The following TEX29 variants were observed in gnomAD, a reference collection of about 807,000 sequenced individuals.
The protein encoded by TEX29 is testis expressed 29.
A neutral mutation model predicts 18.2 loss-of-function variants in TEX29; 26 were observed. The observed-to-expected ratio is 1.43, with a 90% CI of 1.04 to 1.98. The LOEUF is 1.98. Among genes scored for constraint, TEX29 ranks in the 30% most tolerant of loss-of-function variants. TEX29 has a pLI of 0.00. For synonymous variants in TEX29, 83 were observed against 78.5 expected (o/e 1.06, Z -0.31); for missense variants, 177 against 194.2 (o/e 0.91, Z 0.53).
intron 2 of TEX29, among the ~76,000 whole-genome samples, chr13:111,325,993 C>T (rs2093672239): frequency 6.6e-6 from 1 of 152,248 alleles, no homozygotes; most frequent in Non-Finnish European, 1.5e-5. Flanking sequence ...GCTGCTGGGG[C>T]TTCTCCTCCC....
chr13:111,339,260 T>A lies in TEX29; in HGVS notation c.170-603T>A, dbSNP rs887390306. Reference sequence around the variant, plus strand: ...ACAAGGAAGCCCAGTCAAGGATTTGTCTATGATCCAATAAGTGTTTTCCTT... The same window carrying A: ...ACAAGGAAGCCCAGTCAAGGATTTGACTATGATCCAATAAGTGTTTTCCTT... On this transcript the variant is annotated intron_variant, in intron 3 of 5. Coordinates refer to ENST00000283547, the MANE Select transcript of TEX29 (RefSeq NM_152324.3). 17 of 455,120 alleles carry A rather than the reference T, an allele frequency of 3.7e-5. No individual in the cohort carries two copies. In the Admixed American group the frequency reaches 4.0e-4, roughly 11 times the overall value. 28.2% of individuals were successfully genotyped at this position (455,120 alleles called of 1,614,324 possible). A position where few individuals can be genotyped will look rare whatever the true frequency, so the allele number is the denominator to read the frequency against.
rs997603035 is a variant in TEX29, at chr13:111,344,066, C to A, written c.416-17C>A. On this transcript the variant is annotated splice_polypyrimidine_tract_variant and intron_variant, in intron 5 of 5. Coordinates refer to ENST00000283547, the MANE Select transcript of TEX29 (RefSeq NM_152324.3). ...TATTCCATTTGAAAAAACAATTCTT[C>A]TTTTCTAAAAATCTAGTAACAGGGA... The A allele has an allele frequency of 1.9e-6, 3 of 1,606,082 alleles. No individual in the cohort carries two copies. Among genetic ancestry groups the A allele is most frequent in the Non-Finnish European group, 2.6e-6 (3 of 1,173,804 alleles).
At chr13:111,328,932 C>G (rs2093678542) in intron 3 of TEX29, among the ~76,000 whole-genome samples, 3 of 152,220 alleles carry the variant, frequency 2.0e-5, no homozygotes, top group Admixed American at 2.0e-4. Flanking sequence ...TTCAGAGGAC[C>G]ATGGCTAGTT....
chr13:111,335,993 G>T (rs1419367376), intron 3 of TEX29, among the ~76,000 whole-genome samples: 2 of 152,196 alleles, frequency 1.3e-5, no homozygotes, highest in Non-Finnish European at 2.9e-5. Context: ...AACAATCGCC[G>T]CATGCCTGTC....
Position 111,336,508 on chromosome 13 carries a change from T to G in TEX29, c.170-3355T>G, listed in dbSNP as rs530055806. Among the ~76,000 whole-genome samples, 19 of 152,352 alleles carry G rather than the reference T, an allele frequency of 1.2e-4. No individual in the cohort carries two copies. In the South Asian group the frequency reaches 3.9e-3, roughly 32 times the overall value. ...TATTATTAAGAATATGAATTGGGAA[T>G]TAGCATTAGATCTTTCAGAAAGAAT... On this transcript the variant is annotated intron_variant, in intron 3 of 5. Transcript: ENST00000283547.
chr13:111,341,893 G>A (rs1260425361), intron 4 of TEX29, among the ~76,000 whole-genome samples: 2 of 152,222 alleles, frequency 1.3e-5, no homozygotes, highest in Non-Finnish European at 2.9e-5. Flanking sequence ...ACGCAGCATC[G>A]AGGGGGTCCC....
chr13:111,335,177 C>T (rs2093687902), intron 3 of TEX29, among the ~76,000 whole-genome samples: 1 of 152,270 alleles, frequency 6.6e-6, no homozygotes, highest in African/African-American at 2.4e-5. Flanking sequence ...GCTGGTATCA[C>T]CCTGAAAGTT....
chr13:111,331,157 G>A (rs2093682091), intron 3 of TEX29, among the ~76,000 whole-genome samples: 1 of 152,182 alleles, frequency 6.6e-6, no homozygotes, highest in South Asian at 2.1e-4. Flanking sequence ...TCATTTTCCA[G>A]TCCAATCAGC....
At chr13:111,327,760 A>G (rs1170723875) in intron 2 of TEX29, among the ~76,000 whole-genome samples, 1 of 152,144 alleles carries the variant, frequency 6.6e-6, no homozygotes, top group Non-Finnish European at 1.5e-5. Context: ...CTTTTGATTC[A>G]AGTTTTAAAA....
At chr13:111,327,724 T>A (rs1367107143) in intron 2 of TEX29, among the ~76,000 whole-genome samples, 2 of 152,190 alleles carry the variant, frequency 1.3e-5, no homozygotes, top group African/African-American at 4.8e-5. Flanking sequence ...TCCCTTTGGG[T>A]CAAAACTGGC....
upstream of TEX29, among the ~76,000 whole-genome samples, chr13:111,320,066 C>T (rs74126307): frequency 0.012 from 1,796 of 152,302 alleles, 35 homozygotes; most frequent in African/African-American, 0.041. Flanking sequence ...TCTCTCAAGT[C>T]GCCACACCAG....
At chr13:111,334,398 A>G (rs2093686757) in intron 3 of TEX29, among the ~76,000 whole-genome samples, 1 of 152,264 alleles carries the variant, frequency 6.6e-6, no homozygotes, top group East Asian at 1.9e-4. Flanking sequence ...CAGACTTTGC[A>G]TAGGGGTTCT....
chr13:111,328,147 C>T (rs1475841489), intron 2 of TEX29, 36 bp from the exon 3 acceptor site: 10 of 1,401,776 alleles, frequency 7.1e-6, no homozygotes, highest in Non-Finnish European at 7.1e-6. Flanking sequence ...GCTTTGTTTT[C>T]GGGGGTGACA....
In TEX29 at chr13:111,342,861, G is replaced by T; in HGVS notation, c.345G>T (p.Gly115=). Residue 115 remains glycine (G), a synonymous_variant, in exon 5 of 6, where the codon GGG becomes GGT. Transcript: ENST00000283547. ...AELASSSSKL[G]LKPASPGPPS... is the part of the protein sequence containing the mutation. ...TGGCCTCATCCAGCAGCAAGTTAGG[G>T]CTGAAGCCTGCGAGTCCTGGGCCTC... 2 of 1,614,184 alleles carry T rather than the reference G, an allele frequency of 1.2e-6. No individual in the cohort carries two copies. Among genetic ancestry groups the T allele is most frequent in the Non-Finnish European group, 1.7e-6 (2 of 1,180,044 alleles).
At chr13:111,342,633 A>C in intron 4 of TEX29, 123 bp from the exon 5 acceptor site, 1 of 858,180 alleles carries the variant, frequency 1.2e-6, no homozygotes, top group South Asian at 1.9e-5. Context: ...TTACCTTAAA[A>C]AATAAGTATG....
chr13:111,327,172 T>C (rs1056295816), intron 2 of TEX29, among the ~76,000 whole-genome samples: 2 of 152,246 alleles, frequency 1.3e-5, no homozygotes, highest in African/African-American at 4.8e-5. Context: ...CCCTGTGCAC[T>C]CTGCCTTGGC....
chr13:111,343,070 T>C (rs1378720335), intron 5 of TEX29, 139 bp downstream of exon 5: 6 of 1,062,404 alleles, frequency 5.6e-6, no homozygotes, highest in Non-Finnish European at 7.8e-6. Flanking sequence ...TTGTTCAAAA[T>C]TGTAATGTAC....
intron 2 of TEX29, among the ~76,000 whole-genome samples, chr13:111,327,698 T>C (rs2093676361): frequency 1.3e-5 from 2 of 152,168 alleles, no homozygotes; most frequent in South Asian, 4.1e-4. Flanking sequence ...CGCACACTCA[T>C]TGTCTTCCCT....
rs771393879 is a variant in TEX29 at position 111,320,963 on chromosome 13, CGCCAG to C, written c.58+17_58+21del. On this transcript the variant is annotated intron_variant, in intron 2 of 5. Transcript: ENST00000283547. ...GCAATTCACAGGTATGGAGGGAAGG[CGCCAG>C]GGGGGCGGGTGGGGTGGGGGAGCAG... is the stretch of plus-strand genomic sequence containing the variant. 1.4e-6 allele frequency: 1 copy of C among 726,848 alleles called. No individual in the cohort carries two copies. Among genetic ancestry groups the C allele is most frequent in the Non-Finnish European group, 2.0e-6 (1 of 506,176 alleles). The allele number at this position is 726,848 out of a possible 1,614,324, so 45.0% of individuals were successfully genotyped here. A position where few individuals can be genotyped will look rare whatever the true frequency, so the allele number is the denominator to read the frequency against.
Sources: allele counts gnomAD v4.1 joint callset (sites outside exome capture counted in the v4.1 genomes callset), GRCh38; gene constraint gnomAD v4.1.1; transcripts MANE v1.5; gene names NCBI Gene and HGNC (gene_info 2026-07-23, HGNC 2026-07-21).